PTPRD: variants seen among roughly 807,000 people sequenced by gnomAD.
The protein encoded by PTPRD is receptor-type tyrosine-protein phosphatase delta.
Under a neutral mutation model 214.5 loss-of-function variants are expected in PTPRD, and 34 were observed. The ratio of observed to expected loss-of-function variants is 0.16; its 90% CI spans 0.12 to 0.21. The LOEUF (loss-of-function observed/expected upper bound fraction) is 0.21. PTPRD is among the 10% of genes least tolerant of loss of function. PTPRD has a pLI of 1.00. For synonymous variants in PTPRD, 1,128 were observed against 845.7 expected (o/e 1.33, Z -5.79); for missense variants, 2,545 against 2,398.7 (o/e 1.06, Z -1.27).
intron 7 of PTPRD, among the ~76,000 whole-genome samples, chr9:9,585,331 C>T (rs2091747077): frequency 6.6e-6 from 1 of 152,066 alleles, no homozygotes; most frequent in South Asian, 2.1e-4. Context: ...CTACTTATTC[C>T]TATGTGAACT....
intron 2 of PTPRD, among the ~76,000 whole-genome samples, chr9:10,374,365 T>C (rs1465003833): frequency 2.6e-5 from 4 of 152,058 alleles, no homozygotes; most frequent in Admixed American, 2.6e-4. Flanking sequence ...CATATAAATA[T>C]TTGGCTGCTC....
chr9:9,696,059 C>T (rs1351764617), intron 7 of PTPRD, among the ~76,000 whole-genome samples: 4 of 151,972 alleles, frequency 2.6e-5, no homozygotes, highest in East Asian at 1.9e-4. Flanking sequence ...ATTACAGCTT[C>T]GACCTTGTTA....
At chr9:9,626,654 A>G (rs1593409341) in intron 7 of PTPRD, among the ~76,000 whole-genome samples, 1 of 152,348 alleles carries the variant, frequency 6.6e-6, no homozygotes, top group East Asian at 1.9e-4. Flanking sequence ...AGAACTGAGT[A>G]TTTATGACAC....
chr9:10,093,973 C>G (rs922710871), intron 3 of PTPRD, among the ~76,000 whole-genome samples: 5 of 151,272 alleles, frequency 3.3e-5, no homozygotes, highest in Non-Finnish European at 5.9e-5. Flanking sequence ...GCTAAAAAAT[C>G]CCTATAGGGT....
rs73426341 is a variant in PTPRD at position 8,478,906 on chromosome 9, G to C, written c.3413+5213C>G. 1.8e-3 allele frequency among the ~76,000 whole-genome samples: 271 copies of C among 152,296 alleles called. 1 individual carries two copies. The highest frequency in any genetic ancestry group is 6.3e-3 in the African/African-American group (262 of 41,562). On this transcript the variant is annotated intron_variant, in intron 30 of 45. Coordinates refer to ENST00000381196, the MANE Select transcript of PTPRD (RefSeq NM_002839.4). ...CTCATTAACTTGGCCAGAAATGACA[G>C]CATGGTTTCTGTTGGTCAAGAAAAC...
intron 7 of PTPRD, among the ~76,000 whole-genome samples, chr9:9,635,693 C>G (rs1217391778): frequency 2.0e-5 from 3 of 152,166 alleles, no homozygotes; most frequent in Non-Finnish European, 2.9e-5. Context: ...GTTCATTTCC[C>G]TGGACTACCA....
intron 8 of PTPRD, among the ~76,000 whole-genome samples, chr9:9,567,808 T>G (rs1273696577): frequency 6.6e-6 from 1 of 151,950 alleles, no homozygotes; most frequent in East Asian, 1.9e-4. Context: ...TCTAAGCCAA[T>G]AGTAAATGAT....
At chr9:8,948,533 A>ATATATATATTTATATATATATT (rs1567184403) in intron 11 of PTPRD, among the ~76,000 whole-genome samples, 1 of 37,042 alleles carries the variant, frequency 2.7e-5, no homozygotes, top group Non-Finnish European at 6.0e-5. Context: ...ATATATATTT[A>ATATATATATTTATATATATATT]TATATATATT....
At position 9,457,277 on chromosome 9, in the gene PTPRD, C is replaced by G. The variant is rs189297410; in HGVS notation, c.-236-59795G>C. On this transcript the variant is annotated intron_variant, in intron 8 of 45. Coordinates refer to ENST00000381196, the MANE Select transcript of PTPRD (RefSeq NM_002839.4). ...CCTAGACAAATAAACCCCAAAAAACCCTATAAATTCAATATAGTCCTTTAT... is the reference window on the plus strand; with the variant it reads ...CCTAGACAAATAAACCCCAAAAAACGCTATAAATTCAATATAGTCCTTTAT... Among the ~76,000 whole-genome samples the G allele has an allele frequency of 8.6e-5, 13 of 151,900 alleles. No individual in the cohort carries two copies. The East Asian group carries it at 2.5e-3, about 30-fold the overall frequency.
chr9:8,367,709 C>T (rs763427549), intron 39 of PTPRD, among the ~76,000 whole-genome samples: 1 of 152,178 alleles, frequency 6.6e-6, no homozygotes, highest in Non-Finnish European at 1.5e-5. Flanking sequence ...AGAACTCAAA[C>T]TCACAGTCCA....
At chr9:9,841,280 A>G (rs368728407) in intron 5 of PTPRD, among the ~76,000 whole-genome samples, 2 of 152,152 alleles carry the variant, frequency 1.3e-5, no homozygotes, top group South Asian at 2.1e-4. Context: ...CACACACAAA[A>G]AAGTTGAAGT....
At chr9:10,279,166 C>T (rs913787954) in intron 3 of PTPRD, among the ~76,000 whole-genome samples, 4 of 151,678 alleles carry the variant, frequency 2.6e-5, no homozygotes, top group Non-Finnish European at 5.9e-5. Flanking sequence ...TCCAATTCAT[C>T]CCTCCACTCT....
intron 2 of PTPRD, among the ~76,000 whole-genome samples, chr9:10,523,047 T>C (rs1590025560): frequency 1.3e-5 from 2 of 152,012 alleles, no homozygotes; most frequent in South Asian, 4.1e-4. Flanking sequence ...CAAACACCTG[T>C]TTCACGTTTG....
intron 5 of PTPRD, among the ~76,000 whole-genome samples, chr9:9,907,646 G>C (rs951517514): frequency 1.3e-5 from 2 of 151,790 alleles, no homozygotes; most frequent in Non-Finnish European, 2.9e-5. Context: ...TTGGGGATTA[G>C]GGCTTCAACA....
chr9:8,600,827 A>C (rs1203530827), intron 14 of PTPRD, among the ~76,000 whole-genome samples: 1 of 152,040 alleles, frequency 6.6e-6, no homozygotes, highest in Non-Finnish European at 1.5e-5. Flanking sequence ...GAGAACCATC[A>C]TATTACCAAC....
intron 3 of PTPRD, among the ~76,000 whole-genome samples, chr9:10,205,446 C>T (rs933818874): frequency 6.6e-6 from 1 of 151,286 alleles, no homozygotes; most frequent in African/African-American, 2.4e-5. Context: ...TACTCTGTTG[C>T]CCAGGCTGGA....
At chr9:8,440,678 C>T (rs1035992490) in intron 34 of PTPRD, among the ~76,000 whole-genome samples, 1 of 152,138 alleles carries the variant, frequency 6.6e-6, no homozygotes, top group African/African-American at 2.4e-5. Flanking sequence ...CTATGATCTC[C>T]ACAATATAGA....
At chr9:9,841,677 T>A (rs1329383174) in intron 5 of PTPRD, among the ~76,000 whole-genome samples, 2 of 152,116 alleles carry the variant, frequency 1.3e-5, no homozygotes, top group Non-Finnish European at 1.5e-5. Context: ...GGTTCACATA[T>A]TTTTAGTGGT....
intron 11 of PTPRD, among the ~76,000 whole-genome samples, chr9:8,920,031 T>C (rs1247708751): frequency 6.6e-6 from 1 of 152,100 alleles, no homozygotes; most frequent in Admixed American, 6.6e-5. Context: ...GACATATATA[T>C]GTGTATACAT....
Sources: allele counts gnomAD v4.1 joint callset (sites outside exome capture counted in the v4.1 genomes callset), GRCh38; gene constraint gnomAD v4.1.1; transcripts MANE v1.5; gene names NCBI Gene and HGNC (gene_info 2026-07-23, HGNC 2026-07-21).